The following CLDN18 variants were observed in gnomAD, a reference collection of about 807,000 sequenced individuals.
The protein encoded by CLDN18 is claudin-18.
Under a neutral mutation model 25.0 loss-of-function variants are expected in CLDN18, and 20 were observed. The ratio of observed to expected loss-of-function variants is 0.80; its 90% CI spans 0.56 to 1.16. CLDN18 has a LOEUF of 1.16. CLDN18 is among the 50% of genes most tolerant of loss of function. The pLI is 0.00. For missense variants in CLDN18, 297 were observed against 345.4 expected, an observed-to-expected ratio of 0.86 and a Z score of 1.11; for synonymous variants, 125 against 135.6, an observed-to-expected ratio of 0.92 and a Z score of 0.54.
intron 1 of CLDN18, among the ~76,000 whole-genome samples, chr3:138,003,373 A>G (rs1322045187): frequency 6.6e-6 from 1 of 152,240 alleles, no homozygotes; most frequent in Non-Finnish European, 1.5e-5. Context: ...CACTGAGTTA[A>G]TAACAACAGA....
chr3:138,001,585 G>C (rs147275772), intron 1 of CLDN18, among the ~76,000 whole-genome samples: 1,529 of 152,102 alleles, frequency 0.01, 14 homozygotes, highest in African/African-American at 0.035. Flanking sequence ...AAGGTGATTC[G>C]CCCAGGCTCA....
intron 1 of CLDN18, among the ~76,000 whole-genome samples, chr3:138,016,973 T>C (rs1292704042): frequency 6.6e-6 from 1 of 151,972 alleles, no homozygotes; most frequent in Non-Finnish European, 1.5e-5. Flanking sequence ...GGAGAATTGC[T>C]TGAACCCAGG....
chr3:138,019,173 A>G (rs888218333), intron 1 of CLDN18, among the ~76,000 whole-genome samples: 2 of 152,198 alleles, frequency 1.3e-5, no homozygotes, highest in East Asian at 3.8e-4. Context: ...ATCTTTGACT[A>G]CCTCCAGAAT....
chr3:138,004,000 T>C (rs555403660), intron 1 of CLDN18, among the ~76,000 whole-genome samples: 2 of 152,192 alleles, frequency 1.3e-5, no homozygotes, highest in Non-Finnish European at 2.9e-5. Flanking sequence ...GGTGAAACCC[T>C]GTCTCTACTA....
intron 1 of CLDN18, among the ~76,000 whole-genome samples, chr3:138,001,873 C>T (rs1942023341): frequency 6.6e-6 from 1 of 152,006 alleles, no homozygotes. Flanking sequence ...TATACAAGTA[C>T]AAAAACCACA....
chr3:138,027,000 G>A (rs1257612373), intron 3 of CLDN18, among the ~76,000 whole-genome samples: 2 of 152,202 alleles, frequency 1.3e-5, no homozygotes, highest in African/African-American at 2.4e-5. Context: ...GGGCCAGCAG[G>A]TAAAGGAAAA....
chr3:137,998,962 A>G (rs1941986009), exon 1 of CLDN18: 2 of 1,614,078 alleles, frequency 1.2e-6, no homozygotes, highest in Admixed American at 1.7e-5. Flanking sequence ...CCAGTGGAGC[A>G]CCCAAGACTT....
At chr3:138,000,713 A>C (rs1181982788) in intron 1 of CLDN18, among the ~76,000 whole-genome samples, 1 of 152,240 alleles carries the variant, frequency 6.6e-6, no homozygotes, top group Non-Finnish European at 1.5e-5. Context: ...GGTAACTGGC[A>C]GCTGGTCAGT....
upstream of CLDN18, chr3:138,009,922 G>C (rs1445395544): frequency 1.4e-5 from 5 of 368,288 alleles, no homozygotes; most frequent in Non-Finnish European, 2.5e-5. Context: ...GGAGCTGGAG[G>C]GAGGCCGGTC....
exon 1 of CLDN18, chr3:137,998,870 T>C: frequency 6.2e-7 from 1 of 1,614,078 alleles, no homozygotes; most frequent in Non-Finnish European, 8.5e-7. Flanking sequence ...TGCGCCACCA[T>C]GGCCGTGACT....
chr3:137,999,697 G>T (rs1157603746), intron 1 of CLDN18, among the ~76,000 whole-genome samples: 1 of 152,216 alleles, frequency 6.6e-6, no homozygotes, highest in African/African-American at 2.4e-5. Context: ...GGCGCTCTCT[G>T]CACAGGGGAT....
chr3:138,012,876 C>T (rs1197324577), intron 1 of CLDN18, among the ~76,000 whole-genome samples: 2 of 152,142 alleles, frequency 1.3e-5, no homozygotes, highest in African/African-American at 4.8e-5. Flanking sequence ...AGTGGTTATT[C>T]AGTAGGAAGA....
At chr3:138,012,725 C>G (rs191197754) in intron 1 of CLDN18, among the ~76,000 whole-genome samples, 2 of 152,340 alleles carry the variant, frequency 1.3e-5, no homozygotes, top group Admixed American at 6.5e-5. Flanking sequence ...TTATTGCATA[C>G]CTACAAAGAG....
In CLDN18 at chr3:138,031,138, G is replaced by A; in HGVS notation, c.783G>A (p.Val261=). 1 of 1,612,632 alleles carries A rather than the reference G, an allele frequency of 6.2e-7. No individual in the cohort carries two copies. Among genetic ancestry groups the A allele is most frequent in the Non-Finnish European group, 8.5e-7 (1 of 1,179,274 alleles). The change falls in exon 5 of 5, where the codon GTG becomes GTA. Residue 261 remains valine, a synonymous_variant. Transcript: ENST00000183605. The stretch of plus-strand genomic sequence containing the variant: ...CTTATCCTTCCAAGCACGACTATGT[G>A]TAATGCTCTAAGACCTCTCAGCACG... ...VQSYPSKHDY[V] is the part of the protein sequence containing the mutation.
At chr3:138,001,459 T>G (rs961437990) in intron 1 of CLDN18, among the ~76,000 whole-genome samples, 1 of 151,072 alleles carries the variant, frequency 6.6e-6, no homozygotes, top group African/African-American at 2.4e-5. Context: ...CCTGACCTCA[T>G]GATCCGCCTG....
chr3:138,020,163 C>T (rs765109218), intron 1 of CLDN18, among the ~76,000 whole-genome samples: 2 of 152,152 alleles, frequency 1.3e-5, no homozygotes, highest in Non-Finnish European at 2.9e-5. Context: ...CATGAATCTC[C>T]GTGGTCATTA....
intron 1 of CLDN18, among the ~76,000 whole-genome samples, chr3:138,000,488 G>A (rs1477807588): frequency 6.6e-6 from 1 of 152,182 alleles, no homozygotes; most frequent in Non-Finnish European, 1.5e-5. Context: ...GAGAGCAATG[G>A]GTGCCAGGCT....
Position 138,001,379 on chromosome 3 carries a change from C to CTTTT in CLDN18, c.220+2303_220+2306dup, listed in dbSNP as rs149993251. On this transcript the variant is annotated intron_variant, in intron 1 of 4. Coordinates refer to the CLDN18 transcript ENST00000343735. ...CAACAGCTGTCAATATCCCCCCATT[C>CTTTT]TTTTTTTTTTTTTTTCGCATTTTTA... Among the ~76,000 whole-genome samples, 1,194 of 141,154 alleles carry CTTTT rather than the reference C, an allele frequency of 8.5e-3. 20 individuals are homozygous for CTTTT. Among genetic ancestry groups the CTTTT allele is most frequent in the African/African-American group, 0.03 (1,132 of 37,958 alleles). The allele number at this position is 141,154 out of a possible 152,430, so 92.6% of individuals were successfully genotyped here. A position where few individuals can be genotyped will look rare whatever the true frequency, so the allele number is the denominator to read the frequency against.
intron 2 of CLDN18, 62 bp downstream of exon 2, chr3:138,023,884 G>C: frequency 2.0e-6 from 3 of 1,530,764 alleles, no homozygotes; most frequent in Non-Finnish European, 2.7e-6. Context: ...TTCTGGTAGA[G>C]AAAACATGAC....
Sources: gnomAD v4.1 joint callset for allele counts (sites outside exome capture counted in the v4.1 genomes callset) on GRCh38, gnomAD v4.1.1 for gene constraint, MANE v1.5 for transcripts, NCBI Gene and HGNC (gene_info 2026-07-23, HGNC 2026-07-21) for gene names.